The following DENND11 variants were observed in gnomAD, a reference collection of about 807,000 sequenced individuals.
The protein encoded by DENND11 is DENN domain-containing protein 11.
DENND11 carries 34 observed loss-of-function variants against 49.2 expected under a neutral mutation model. The ratio of observed to expected loss-of-function variants is 0.69; its 90% CI spans 0.53 to 0.92. The LOEUF is 0.92. DENND11 is among the 40% of genes least tolerant of loss of function. DENND11 has a pLI of 0.00. For synonymous variants in DENND11, 238 were observed against 230.3 expected (o/e 1.03, Z -0.30); for missense variants, 475 against 581.6 (o/e 0.82, Z 1.88).
chr7:141,669,360 G>A (rs1797942953), intron 4 of DENND11, among the ~76,000 whole-genome samples: 1 of 148,560 alleles, frequency 6.7e-6, no homozygotes. Flanking sequence ...CAATTATCCT[G>A]CCTCAGCCTC....
chr7:141,659,959 T>A lies in DENND11; in HGVS notation c.*2697A>T, dbSNP rs1797763881. ...GCAGGTCCACATGGCTCCTAGCTTC[T>A]GCTGCCACTGTGGAATTCCCTAGTA... is the stretch of plus-strand genomic sequence containing the variant. On this transcript the variant is annotated 3_prime_UTR_variant, in exon 9 of 9. Transcript: ENST00000536163. 2 of 152,230 alleles carry A rather than the reference T, an allele frequency of 1.3e-5. No homozygotes were observed. The highest frequency in any genetic ancestry group is 2.9e-5 in the Non-Finnish European group (2 of 68,038). 9.4% of individuals were successfully genotyped at this position (152,230 alleles called of 1,614,324 possible). A position where few individuals can be genotyped will look rare whatever the true frequency, so the allele number is the denominator to read the frequency against.
rs533617626 is a variant in DENND11, at chr7:141,695,458, T to C, written c.268+6428A>G. ...ATGAAGCGCTATCAGGGCTTGAAGTTATCCTACAGAAACATTACAAATGAA... is the reference window on the plus strand; with the variant it reads ...ATGAAGCGCTATCAGGGCTTGAAGTCATCCTACAGAAACATTACAAATGAA... On this transcript the variant is annotated intron_variant, in intron 1 of 8. Transcript: ENST00000536163. 2.5e-4 allele frequency among the ~76,000 whole-genome samples: 38 copies of C among 152,346 alleles called. No individual in the cohort carries two copies. In the East Asian group the frequency reaches 4.0e-3, roughly 16 times the overall value.
At chr7:141,678,300 G>A (rs949340112) in intron 3 of DENND11, among the ~76,000 whole-genome samples, 5 of 152,120 alleles carry the variant, frequency 3.3e-5, no homozygotes, top group Admixed American at 6.5e-5. Context: ...AAAATAAAAC[G>A]TGTATGTATA....
chr7:141,664,076 T>C lies in DENND11; in HGVS notation c.1172+96A>G. 7.5e-6 allele frequency: 8 copies of C among 1,059,658 alleles called. No homozygotes were observed. The South Asian group carries it at 1.2e-4, about 16-fold the overall frequency. 65.6% of individuals were successfully genotyped at this position (1,059,658 alleles called of 1,614,324 possible). ...GTGCCCTTGGCAGCAATAAACGGCA[T>C]CCCTGGCCCGCAGTGAATGACATGG... On this transcript the variant is annotated intron_variant, in intron 8 of 8. Transcript: ENST00000536163.
chr7:141,668,830 T>A (rs116246984), intron 4 of DENND11, among the ~76,000 whole-genome samples: 3 of 152,110 alleles, frequency 2.0e-5, no homozygotes, highest in Non-Finnish European at 2.9e-5. Flanking sequence ...CCTGCTTTCA[T>A]TGAAATCTCT....
chr7:141,674,517 A>G (rs761937452), intron 3 of DENND11, among the ~76,000 whole-genome samples: 32 of 152,280 alleles, frequency 2.1e-4, no homozygotes, highest in Admixed American at 4.6e-4. Context: ...ACTAATGTCT[A>G]TTGTTCTTGA....
At chr7:141,664,731 C>T (rs745501126) in intron 7 of DENND11, among the ~76,000 whole-genome samples, 173 bp downstream of exon 7, 2 of 152,184 alleles carry the variant, frequency 1.3e-5, no homozygotes, top group Non-Finnish European at 2.9e-5. Flanking sequence ...ATACAGGGAG[C>T]CTGGCCTCTT....
At chr7:141,698,711 A>T (rs1798453616) in intron 1 of DENND11, among the ~76,000 whole-genome samples, 1 of 152,186 alleles carries the variant, frequency 6.6e-6, no homozygotes, top group Admixed American at 6.5e-5. Flanking sequence ...GAATCACTGC[A>T]TATATTCCTG....
At chr7:141,694,047 G>A (rs570765650) in intron 1 of DENND11, among the ~76,000 whole-genome samples, 2 of 151,956 alleles carry the variant, frequency 1.3e-5, no homozygotes, top group Non-Finnish European at 2.9e-5. Flanking sequence ...GTTAATAAAG[G>A]GAAATTATAT....
intron 1 of DENND11, among the ~76,000 whole-genome samples, chr7:141,698,633 GC>G (rs1325095314): frequency 6.6e-6 from 1 of 152,108 alleles, no homozygotes; most frequent in Non-Finnish European, 1.5e-5. Flanking sequence ...CCCACAGATG[GC>G]CAGCCTAGCT....
rs1372407746 is a variant in DENND11 at position 141,660,480 on chromosome 7, A to C, written c.*2176T>G. The C allele has an allele frequency of 6.6e-6, 1 of 152,184 alleles. No individual in the cohort carries two copies. The highest frequency in any genetic ancestry group is 1.5e-5 in the Non-Finnish European group (1 of 68,036). 9.4% of individuals were successfully genotyped at this position (152,184 alleles called of 1,614,324 possible). A position where few individuals can be genotyped will look rare whatever the true frequency, so the allele number is the denominator to read the frequency against. On this transcript the variant is annotated 3_prime_UTR_variant, in exon 9 of 9. Transcript: ENST00000536163. The stretch of plus-strand genomic sequence containing the variant: ...GCCCTGACTCACCATTCAAAGGAAA[A>C]AACAGGAACTTCATTCTCACCCTGC...
At chr7:141,698,743 C>G (rs970021614) in intron 1 of DENND11, among the ~76,000 whole-genome samples, 1 of 151,986 alleles carries the variant, frequency 6.6e-6, no homozygotes, top group African/African-American at 2.4e-5. Flanking sequence ...ACACACACAC[C>G]CTTTCTAACA....
intron 1 of DENND11, among the ~76,000 whole-genome samples, chr7:141,688,926 C>T (rs1054314147): frequency 4.6e-5 from 7 of 152,182 alleles, no homozygotes; most frequent in South Asian, 2.1e-4. Flanking sequence ...CTGTCTGGGA[C>T]AGAGCTACAA....
rs1053403536 is a variant in DENND11 at position 141,674,140 on chromosome 7, G to T, written c.608C>A (p.Pro203His). 6.3e-7 allele frequency: 1 copy of T among 1,583,036 alleles called. No homozygotes were observed. The highest frequency in any genetic ancestry group is 2.3e-5 in the East Asian group (1 of 43,510). Residue 203 changes from proline to histidine, a missense_variant, in exon 4 of 9, where the codon CCC (proline) becomes CAC (histidine). Coordinates refer to ENST00000536163, the MANE Select transcript of DENND11 (RefSeq NM_001080392.2). ...AGGGGGCAGGCTGCTGCCTCTGCCG[G>T]GACCAGCATGGAGCACCCCCTTTTT... The part of the protein sequence containing the change: ...EDKKGVLHAG[P>H]GRGSSLPPVY...
At position 141,667,725 on chromosome 7, in the gene DENND11, G is replaced by A. The variant is rs973862543; in HGVS notation, c.682-1300C>T. On this transcript the variant is annotated intron_variant, in intron 4 of 8. Transcript: ENST00000536163. ...AGAGGCACCTATACCCGAGCCTCAG[G>A]GCAGCCTCTGCACTCTGCCTGTCCA... 3.3e-5 allele frequency among the ~76,000 whole-genome samples: 5 copies of A among 152,138 alleles called. No individual in the cohort carries two copies. In the East Asian group the frequency reaches 9.7e-4, roughly 29 times the overall value.
intron 5 of DENND11, among the ~76,000 whole-genome samples, chr7:141,665,946 C>T (rs1797888695): frequency 6.6e-6 from 1 of 151,704 alleles, no homozygotes; most frequent in Non-Finnish European, 1.5e-5. Context: ...GCCCCACCAC[C>T]CTTGTTATCC....
intron 5 of DENND11, among the ~76,000 whole-genome samples, 175 bp from the exon 6 acceptor site, chr7:141,665,493 C>A (rs1797880594): frequency 6.6e-6 from 1 of 152,202 alleles, no homozygotes; most frequent in African/African-American, 2.4e-5. Flanking sequence ...ATGGCAGAAA[C>A]TGACCCCTCA....
At chr7:141,673,178 A>G (rs974640312) in intron 4 of DENND11, among the ~76,000 whole-genome samples, 7 of 152,222 alleles carry the variant, frequency 4.6e-5, no homozygotes, top group African/African-American at 1.4e-4. Context: ...CCTATTAGCT[A>G]TAAGACCTAA....
intron 4 of DENND11, among the ~76,000 whole-genome samples, chr7:141,667,716 G>C (rs1158436554): frequency 6.6e-6 from 1 of 152,116 alleles, no homozygotes; most frequent in African/African-American, 2.4e-5. Context: ...ACCTATACCC[G>C]AGCCTCAGGG....
Sources: gnomAD v4.1 joint callset for allele counts (sites outside exome capture counted in the v4.1 genomes callset) on GRCh38, gnomAD v4.1.1 for gene constraint, MANE v1.5 for transcripts, NCBI Gene and HGNC (gene_info 2026-07-23, HGNC 2026-07-21) for gene names.